Variants in PDGFRL observed in about 807,000 individuals in gnomAD.
PDGFRL encodes the protein platelet-derived growth factor receptor-like protein.
A neutral mutation model predicts 37.2 loss-of-function variants in PDGFRL; 46 were observed. The observed-to-expected ratio is 1.24, with a 90% CI of 0.98 to 1.58. PDGFRL has a LOEUF of 1.58. PDGFRL is among the 40% of genes most tolerant of loss of function. PDGFRL has a pLI of 0.00. For synonymous variants in PDGFRL, 251 were observed against 184.3 expected (o/e 1.36, Z -2.93); for missense variants, 692 against 467.6 (o/e 1.48, Z -4.43).
chr8:17,629,012 G>A (rs1222621863), intron 4 of PDGFRL, among the ~76,000 whole-genome samples: 1 of 151,834 alleles, frequency 6.6e-6, no homozygotes, highest in African/African-American at 2.4e-5. Flanking sequence ...TAAAGCCCTG[G>A]GCTCAAGCAA....
intron 2 of PDGFRL, among the ~76,000 whole-genome samples, chr8:17,598,573 C>G (rs1207350516): frequency 2.0e-5 from 3 of 152,186 alleles, no homozygotes; most frequent in Non-Finnish European, 4.4e-5. Flanking sequence ...GATGTGTACA[C>G]TGCATGTATT....
chr8:17,585,772 GA>G (rs1383173334), intron 1 of PDGFRL, among the ~76,000 whole-genome samples: 10 of 152,118 alleles, frequency 6.6e-5, no homozygotes, highest in African/African-American at 2.2e-4. Context: ...TTCTTCTAAT[GA>G]ATTTATTTTC....
intron 5 of PDGFRL, among the ~76,000 whole-genome samples, chr8:17,641,218 G>C (rs1805085316): frequency 6.6e-6 from 1 of 152,222 alleles, no homozygotes; most frequent in Non-Finnish European, 1.5e-5. Context: ...AAAGCAAACA[G>C]GGTTTTCAGA....
In PDGFRL at chr8:17,589,760, C is replaced by T. The variant is rs576796043; in HGVS notation, c.348C>T (p.Arg116=). 2.0e-5 allele frequency: 31 copies of T among 1,588,586 alleles called. No homozygotes were observed. In the South Asian group the frequency reaches 2.7e-4, roughly 14 times the overall value. ...PAYLDTFKDS[R]LSVKQNERYG... is the part of the protein sequence containing the mutation. ...ATCTGGACACCTTTAAGGATTCTCG[C>T]CTCAGGTAAGCATTTTTTTTTAAAA... Residue 116 remains arginine (R), a synonymous_variant, in exon 2 of 6, where the codon CGC becomes CGT. Coordinates refer to ENST00000251630, the MANE Select transcript of PDGFRL (RefSeq NM_001372073.1).
chr8:17,600,600 G>C lies in PDGFRL; in HGVS notation c.353+10835G>C, dbSNP rs146078145. On this transcript the variant is annotated intron_variant, in intron 2 of 5. Transcript: ENST00000251630. ...GGATCACTTGAGGCCAGGACTTTGAGACCAGCCTGAGCAACACAGCAAGAC... is the reference window on the plus strand; with the variant it reads ...GGATCACTTGAGGCCAGGACTTTGACACCAGCCTGAGCAACACAGCAAGAC... Among the ~76,000 whole-genome samples, 448 of 151,568 alleles carry C rather than the reference G, an allele frequency of 3.0e-3. 1 individual carries two copies. The highest frequency in any genetic ancestry group is 0.01 in the African/African-American group (414 of 41,262).
At chr8:17,638,776 T>A (rs570761324) in intron 5 of PDGFRL, among the ~76,000 whole-genome samples, 207 of 105,938 alleles carry the variant, frequency 2.0e-3, no homozygotes, top group South Asian at 7.5e-3. Flanking sequence ...TATATATATA[T>A]ATATATATAT....
chr8:17,620,997 G>T, intron 2 of PDGFRL, 54 bp from the exon 3 acceptor site: 1 of 1,438,562 alleles, frequency 7.0e-7, no homozygotes, highest in Non-Finnish European at 9.4e-7. Flanking sequence ...GTGACAGCTG[G>T]AGGGCCCCAG....
At chr8:17,638,776 T>TATATATATATATATAA (rs1563532521) in intron 5 of PDGFRL, among the ~76,000 whole-genome samples, 33 of 106,020 alleles carry the variant, frequency 3.1e-4, no homozygotes, top group South Asian at 1.7e-3. Flanking sequence ...TATATATATA[T>TATATATATATATATAA]ATATATATAT....
At chr8:17,641,605 T>C (rs906739244) in intron 5 of PDGFRL, among the ~76,000 whole-genome samples, 1 of 152,190 alleles carries the variant, frequency 6.6e-6, no homozygotes, top group Non-Finnish European at 1.5e-5. Context: ...CCAGAGATAA[T>C]TTTAAAGTAG....
chr8:17,612,129 C>T (rs903452402), intron 2 of PDGFRL, among the ~76,000 whole-genome samples: 1 of 152,100 alleles, frequency 6.6e-6, no homozygotes, highest in African/African-American at 2.4e-5. Flanking sequence ...CAAAATAATA[C>T]ACAGTAGTTT....
At chr8:17,632,018 G>A (rs796919406) in intron 4 of PDGFRL, among the ~76,000 whole-genome samples, 18 of 152,104 alleles carry the variant, frequency 1.2e-4, no homozygotes, top group Non-Finnish European at 2.4e-4. Context: ...GAGATGCTTC[G>A]GGGTCCTCCA....
At chr8:17,638,125 G>GT (rs1805009598) in intron 5 of PDGFRL, among the ~76,000 whole-genome samples, 1 of 152,052 alleles carries the variant, frequency 6.6e-6, no homozygotes, top group African/African-American at 2.4e-5. Context: ...AGTCCTTGAG[G>GT]TGTGACCTTA....
At chr8:17,606,970 A>G (rs1481106248) in intron 2 of PDGFRL, among the ~76,000 whole-genome samples, 2 of 142,302 alleles carry the variant, frequency 1.4e-5, no homozygotes, top group Non-Finnish European at 3.0e-5. Context: ...ATCTGGGCTC[A>G]CTGCAACCTC....
At chr8:17,621,871 C>T (rs1442731355) in intron 3 of PDGFRL, among the ~76,000 whole-genome samples, 5 of 152,156 alleles carry the variant, frequency 3.3e-5, no homozygotes, top group South Asian at 2.1e-4. Context: ...TGAGGTCTCA[C>T]TGTGTTGCCC....
chr8:17,628,677 G>T lies in PDGFRL; in HGVS notation c.696G>T (p.Val232=). Residue 232 remains valine (V), a synonymous_variant, in exon 4 of 6, where the codon GTG becomes GTT. Transcript: ENST00000251630. ...TTTATGACATGAAGCGGGGCTTTGT[G>T]TATCTGCAACCTCATTCCGAGCACC... ...DIVYDMKRGF[V]YLQPHSEHQG... The T allele has an allele frequency of 1.9e-6, 3 of 1,614,010 alleles. No individual in the cohort carries two copies. Among genetic ancestry groups the T allele is most frequent in the East Asian group, 4.5e-5 (2 of 44,876 alleles).
intron 2 of PDGFRL, among the ~76,000 whole-genome samples, chr8:17,597,550 ATT>A (rs5889723): frequency 1.3e-5 from 2 of 151,446 alleles, no homozygotes; most frequent in Admixed American, 1.3e-4. Flanking sequence ...TGCAATATAC[ATT>A]TTTTTTTCCC....
At chr8:17,576,954 T>A (rs974145361), upstream of PDGFRL, among the ~76,000 whole-genome samples, 14 of 152,078 alleles carry the variant, frequency 9.2e-5, no homozygotes, top group Admixed American at 2.0e-4. Flanking sequence ...CGCCAAGCGT[T>A]GGAGAAATTC....
intron 2 of PDGFRL, among the ~76,000 whole-genome samples, chr8:17,609,314 C>G (rs572496178): frequency 3.3e-5 from 5 of 152,150 alleles, no homozygotes; most frequent in Non-Finnish European, 5.9e-5. Flanking sequence ...CAAGACCAGC[C>G]TGGCCAACAT....
intron 1 of PDGFRL, 27 bp from the exon 2 acceptor site, chr8:17,589,441 G>A (rs766662745): frequency 2.1e-5 from 32 of 1,557,572 alleles, no homozygotes; most frequent in South Asian, 9.2e-5. Context: ...TTACTACAGC[G>A]CATTTCTCTC....
Sources: gnomAD v4.1 joint callset for allele counts (sites outside exome capture counted in the v4.1 genomes callset) on GRCh38, gnomAD v4.1.1 for gene constraint, MANE v1.5 for transcripts, NCBI Gene and HGNC (gene_info 2026-07-23, HGNC 2026-07-21) for gene names.